Variants in TRIP12 observed in about 807,000 individuals in gnomAD.
TRIP12 encodes thyroid hormone receptor interactor 12.
Under a neutral mutation model 244.2 loss-of-function variants are expected in TRIP12, and 25 were observed. The observed-to-expected ratio is 0.10, with a 90% CI of 0.07 to 0.14. The LOEUF is 0.14. Ranked by LOEUF, TRIP12 falls within the 10% of genes least tolerant of loss-of-function variation. The pLI is 1.00. For missense variants in TRIP12, 1,677 were observed against 2,486.4 expected (o/e 0.67, Z 6.92); for synonymous variants, 905 against 873.1 (o/e 1.04, Z -0.64).
intron 7 of TRIP12, 71 bp downstream of exon 7, chr2:229,830,685 T>TTTAGTTAAA: frequency 2.1e-6 from 3 of 1,424,146 alleles, no homozygotes; most frequent in Non-Finnish European, 2.9e-6. Flanking sequence ...ACTAAATTAA[T>TTTAGTTAAA]TTCAATAAAG....
chr2:229,768,555 T>C, intron 41 of TRIP12, 61 bp downstream of exon 41: 1 of 1,497,342 alleles, frequency 6.7e-7, no homozygotes. Context: ...GGTACTGAAG[T>C]TTCACACTCA....
In TRIP12 at chr2:229,921,904, T is replaced by G. The variant is rs1265420187; in HGVS notation, c.-74A>C. The stretch of plus-strand genomic sequence containing the variant: ...CCTAGTTAGGCCCCAAAGTCTCCGG[T>G]CCGGACTCGGTGGCGCGGCAGTAAC... On this transcript the variant is annotated 5_prime_UTR_variant, in exon 1 of 42. Transcript: ENST00000675903. 7.3e-6 allele frequency: 1 copy of G among 136,458 alleles called. No homozygotes were observed. Among genetic ancestry groups the G allele is most frequent in the Non-Finnish European group, 1.6e-5 (1 of 64,288 alleles). 8.5% of individuals were successfully genotyped at this position (136,458 alleles called of 1,614,324 possible).
chr2:229,921,961 C>CGCG lies in TRIP12; in HGVS notation c.-134_-132dup, dbSNP rs1284087685. 49 of 145,870 alleles carry CGCG rather than the reference C, an allele frequency of 3.4e-4. No individual in the cohort carries two copies. Among genetic ancestry groups the CGCG allele is most frequent in the African/African-American group, 7.9e-4 (31 of 39,186 alleles). 9.0% of individuals were successfully genotyped at this position (145,870 alleles called of 1,614,324 possible). ...TAGCTCCCCCCACCCCCCCCAGCGGCGCGGCGGCGGCGGCTCCGGGTTCCT... is the reference window on the plus strand; with the variant it reads ...TAGCTCCCCCCACCCCCCCCAGCGGCGCGGCGGCGGCGGCGGCTCCGGGTTCCT... On this transcript the variant is annotated 5_prime_UTR_variant, in exon 1 of 42. Transcript: ENST00000675903.
intron 37 of TRIP12, 88 bp downstream of exon 37, chr2:229,777,224 TAAC>T (rs2154243685): frequency 1.5e-6 from 2 of 1,376,924 alleles, no homozygotes; most frequent in Non-Finnish European, 2.0e-6. Context: ...AACATTAATA[TAAC>T]AACTGAGTCA....
intron 4 of TRIP12, among the ~76,000 whole-genome samples, chr2:229,843,064 C>T (rs1356755958): frequency 7.2e-6 from 1 of 139,418 alleles, no homozygotes; most frequent in Non-Finnish European, 1.6e-5. Context: ...CTCTCTCTCT[C>T]CCCCACTCCT....
chr2:229,768,637 T>C lies in TRIP12; in HGVS notation c.5986A>G (p.Ser1996Gly). ...QRLFLQFVTG[S>G]PRLPVGGFRS... is the part of the protein sequence containing the mutation. ...CCACCTCCAACAGGCAATCTTGGGC[T>C]ACCAGTCACAAACTGGAGAAATAAC... Residue 1996 changes from serine to glycine, a missense_variant, in exon 41 of 42, where the codon AGC becomes GGC. Physicochemically the swap from Ser to Gly is moderately conservative, Grantham distance 56. This residue lies in a region of TRIP12 where 171 missense variants were observed against 388.4 expected (regional missense o/e 0.44). Transcript: ENST00000675903. The C allele has an allele frequency of 6.2e-7, 1 of 1,612,768 alleles. No homozygotes were observed. Among genetic ancestry groups the C allele is most frequent in the Non-Finnish European group, 8.5e-7 (1 of 1,179,738 alleles).
chr2:229,782,616 C>T (rs1285805581), intron 34 of TRIP12, among the ~76,000 whole-genome samples: 2 of 152,178 alleles, frequency 1.3e-5, no homozygotes, highest in Non-Finnish European at 2.9e-5. Context: ...TACACAACAA[C>T]TTATAATTTT....
At chr2:229,856,334 G>A (rs2059610441) in intron 4 of TRIP12, among the ~76,000 whole-genome samples, 1 of 152,164 alleles carries the variant, frequency 6.6e-6, no homozygotes, top group Non-Finnish European at 1.5e-5. Context: ...CAGGCTTAAT[G>A]GAATTATCTG....
chr2:229,851,745 G>T (rs761430827), intron 4 of TRIP12, among the ~76,000 whole-genome samples: 15 of 151,988 alleles, frequency 9.9e-5, no homozygotes, highest in African/African-American at 2.7e-4. Context: ...CTTAAGAACT[G>T]TAACACTCAC....
At chr2:229,801,702 A>G (rs2044391959) in intron 21 of TRIP12, among the ~76,000 whole-genome samples, 1 of 152,244 alleles carries the variant, frequency 6.6e-6, no homozygotes, top group South Asian at 2.1e-4. Context: ...AAAGATTAAA[A>G]GCTGATAAAT....
At chr2:229,805,956 C>A in intron 17 of TRIP12, 73 bp from the exon 18 acceptor site, 1 of 1,213,948 alleles carries the variant, frequency 8.2e-7, no homozygotes. Context: ...AGTGGGGACC[C>A]TCCAAATATG....
At chr2:229,907,815 AAATT>A (rs1489426542) in intron 1 of TRIP12, among the ~76,000 whole-genome samples, 12 of 152,180 alleles carry the variant, frequency 7.9e-5, no homozygotes, top group Non-Finnish European at 1.5e-5. Flanking sequence ...AAAAAATAAC[AAATT>A]AATAATAATA....
rs771630403 is a variant in TRIP12 at position 229,771,558 on chromosome 2, G to C, written c.5769C>G (p.Val1923=). The C allele has an allele frequency of 6.2e-7, 1 of 1,613,934 alleles. No homozygotes were observed. The highest frequency in any genetic ancestry group is 1.7e-5 in the Admixed American group (1 of 60,014). Residue 1923 remains valine (V), a synonymous_variant, in exon 39 of 42, where the codon GTC becomes GTG. Coordinates refer to ENST00000675903, the MANE Select transcript of TRIP12 (RefSeq NM_001348323.3). The stretch of plus-strand genomic sequence containing the variant: ...AGTACTGAAGATGACTGAGTGGGAA[G>C]ACTGATTCAAATCCATCTCTGAACG... ...FDSFRDGFES[V]FPLSHLQYFY...
chr2:229,803,731 TTGA>T lies in TRIP12; in HGVS notation c.2880-45_2880-43del, dbSNP rs1470569617. Reference sequence around the variant, plus strand: ...TTTGTATATAAAACTCTGCCTGAATTTGATGATTATTTTTGGCCATACTACTTT... The same window carrying T: ...TTTGTATATAAAACTCTGCCTGAATTTGATTATTTTTGGCCATACTACTTT... On this transcript the variant is annotated intron_variant, in intron 19 of 41. Coordinates refer to ENST00000675903, the MANE Select transcript of TRIP12 (RefSeq NM_001348323.3). The T allele has an allele frequency of 4.8e-6, 7 of 1,444,236 alleles. No individual in the cohort carries two copies. In the Admixed American group the frequency reaches 8.4e-5, roughly 17 times the overall value. 89.5% of individuals were successfully genotyped at this position (1,444,236 alleles called of 1,614,324 possible).
intron 17 of TRIP12, chr2:229,807,459 T>C (rs7598934): frequency 6.3e-4 from 325 of 517,440 alleles, no homozygotes; most frequent in African/African-American, 5.7e-3. Context: ...ATGAGGAAAC[T>C]ATGGAACAAC....
chr2:229,769,127 C>T, intron 40 of TRIP12, 104 bp downstream of exon 40: 1 of 953,014 alleles, frequency 1.0e-6, no homozygotes, highest in Admixed American at 2.7e-5. Flanking sequence ...AAATGAACCA[C>T]TCCAACTTTT....
chr2:229,825,639 T>C (rs1416976582), intron 8 of TRIP12, among the ~76,000 whole-genome samples: 3 of 152,128 alleles, frequency 2.0e-5, no homozygotes, highest in African/African-American at 7.2e-5. Context: ...GAGAACTCAC[T>C]ATCAGGAGAA....
At chr2:229,865,694 T>C (rs1272657103) in intron 2 of TRIP12, among the ~76,000 whole-genome samples, 1 of 152,182 alleles carries the variant, frequency 6.6e-6, no homozygotes, top group Non-Finnish European at 1.5e-5. Flanking sequence ...TTTTGTCTTC[T>C]AAAAATTAGA....
At chr2:229,793,981 G>T (rs2042183141) in intron 26 of TRIP12, among the ~76,000 whole-genome samples, 1 of 152,002 alleles carries the variant, frequency 6.6e-6, no homozygotes, top group South Asian at 2.1e-4. Flanking sequence ...CACACAAATA[G>T]GGATGTGGAG....
Sources: gnomAD v4.1 joint callset for allele counts (sites outside exome capture counted in the v4.1 genomes callset) on GRCh38, gnomAD v4.1.1 for gene constraint, gnomAD v4.1.1 regional missense constraint, MANE v1.5 for transcripts, NCBI Gene and HGNC (gene_info 2026-07-23, HGNC 2026-07-21) for gene names.